Variants in FAM219A observed in about 807,000 individuals in gnomAD.
FAM219A encodes protein FAM219A.
In FAM219A, 7 loss-of-function variants were observed where a neutral mutation model predicts 23.4. The observed-to-expected ratio is 0.30, with a 90% CI of 0.17 to 0.56. The LOEUF (loss-of-function observed/expected upper bound fraction) is 0.56. Among genes scored for constraint, FAM219A ranks in the 20% least tolerant of loss-of-function variants. FAM219A has a pLI of 0.92. For missense variants in FAM219A, 166 were observed against 246.9 expected, an observed-to-expected ratio of 0.67 and a Z score of 2.20; for synonymous variants, 93 against 99.0, an observed-to-expected ratio of 0.94 and a Z score of 0.36.
At chr9:34,429,194 T>C (rs1462327164) in intron 1 of FAM219A, among the ~76,000 whole-genome samples, 1 of 152,222 alleles carries the variant, frequency 6.6e-6, no homozygotes, top group Non-Finnish European at 1.5e-5. Context: ...GGTTTCATTA[T>C]TTAGCATCAA....
At chr9:34,405,620 G>C (rs10972093) in intron 2 of FAM219A, among the ~76,000 whole-genome samples, 122,636 of 152,098 alleles carry the variant, frequency 0.81, 49,628 homozygotes, top group Non-Finnish European at 0.84. Context: ...CTGCAGCTAT[G>C]CCCCAGAATA....
chr9:34,407,487 C>A (rs1821680231), intron 1 of FAM219A, among the ~76,000 whole-genome samples: 1 of 152,128 alleles, frequency 6.6e-6, no homozygotes, highest in Non-Finnish European at 1.5e-5. Context: ...ATCACCCATT[C>A]TTTTTAAAAA....
At chr9:34,438,341 C>T (rs920251227) in intron 1 of FAM219A, among the ~76,000 whole-genome samples, 1 of 152,224 alleles carries the variant, frequency 6.6e-6, no homozygotes, top group African/African-American at 2.4e-5. Context: ...GCGCATGGCA[C>T]CGGGACTGGC....
At chr9:34,422,691 A>G (rs1428372886) in intron 1 of FAM219A, among the ~76,000 whole-genome samples, 1 of 152,208 alleles carries the variant, frequency 6.6e-6, no homozygotes, top group African/African-American at 2.4e-5. Context: ...GGAGAGAGAG[A>G]CTGGCAGGAA....
chr9:34,408,286 G>A (rs1390368428), intron 1 of FAM219A, among the ~76,000 whole-genome samples: 1 of 151,940 alleles, frequency 6.6e-6, no homozygotes, highest in African/African-American at 2.4e-5. Flanking sequence ...CCTTGGAAAA[G>A]CAAACCTCTA....
intron 1 of FAM219A, among the ~76,000 whole-genome samples, chr9:34,415,762 C>T (rs1040845102): frequency 2.6e-5 from 4 of 152,106 alleles, no homozygotes; most frequent in Admixed American, 2.6e-4. Context: ...CCCCCAGAAT[C>T]GGGAAGTGGG....
At chr9:34,414,872 C>T (rs887892698) in intron 1 of FAM219A, among the ~76,000 whole-genome samples, 3 of 152,256 alleles carry the variant, frequency 2.0e-5, no homozygotes, top group African/African-American at 7.2e-5. Context: ...CTCTCCAGCT[C>T]TGGACTATGA....
At chr9:34,401,844 A>C in intron 4 of FAM219A, 124 bp from the exon 5 acceptor site, 5 of 1,027,478 alleles carry the variant, frequency 4.9e-6, no homozygotes, top group Non-Finnish European at 7.3e-6. Flanking sequence ...CAAAATCTCA[A>C]TACGAACTGT....
At chr9:34,402,908 G>T in intron 2 of FAM219A, 101 bp from the exon 3 acceptor site, 1 of 990,488 alleles carries the variant, frequency 1.0e-6, no homozygotes, top group Non-Finnish European at 1.5e-6. Flanking sequence ...GAAACCACTT[G>T]CTCCTAGAAG....
At chr9:34,456,378 C>CAATA (rs1564021963) in intron 1 of FAM219A, among the ~76,000 whole-genome samples, 2 of 152,182 alleles carry the variant, frequency 1.3e-5, no homozygotes, top group African/African-American at 4.8e-5. Flanking sequence ...GAATTTCAGG[C>CAATA]AATAACAGAA....
At chr9:34,415,455 C>A (rs1367908249) in intron 1 of FAM219A, among the ~76,000 whole-genome samples, 1 of 152,220 alleles carries the variant, frequency 6.6e-6, no homozygotes, top group Non-Finnish European at 1.5e-5. Context: ...GGCCTAGTAA[C>A]AACTGTAGCT....
In FAM219A at chr9:34,399,893, G is replaced by A. The variant is rs1410019488; in HGVS notation, c.*1071C>T. Reference sequence around the variant, plus strand: ...ACCACACAGGCACTTCCCTACCAGGGACACCCACATCTATGACAGGAATAG... The same window carrying A: ...ACCACACAGGCACTTCCCTACCAGGAACACCCACATCTATGACAGGAATAG... On this transcript the variant is annotated 3_prime_UTR_variant, in exon 6 of 6. Coordinates refer to ENST00000651358, the MANE Select transcript of FAM219A (RefSeq NM_001184940.2). 2.0e-5 allele frequency: 3 copies of A among 152,396 alleles called. No individual in the cohort carries two copies. Among genetic ancestry groups the A allele is most frequent in the African/African-American group, 7.2e-5 (3 of 41,400 alleles). The allele number at this position is 152,396 out of a possible 1,614,324, so 9.4% of individuals were successfully genotyped here.
At chr9:34,450,300 C>A (rs1242339824) in intron 1 of FAM219A, among the ~76,000 whole-genome samples, 1 of 137,146 alleles carries the variant, frequency 7.3e-6, no homozygotes, top group African/African-American at 2.9e-5. Context: ...GTGACAGAGA[C>A]CCTGTCTCAA....
intron 1 of FAM219A, among the ~76,000 whole-genome samples, chr9:34,413,302 G>A (rs1821889823): frequency 6.6e-6 from 1 of 152,168 alleles, no homozygotes; most frequent in African/African-American, 2.4e-5. Context: ...ACACTAAGGG[G>A]TTGGGAAAAA....
chr9:34,440,257 T>C (rs1484489005), intron 1 of FAM219A, among the ~76,000 whole-genome samples: 1 of 152,124 alleles, frequency 6.6e-6, no homozygotes, highest in African/African-American at 2.4e-5. Context: ...TGGACATAAT[T>C]ATCTGGGGAC....
chr9:34,416,183 A>AAAGG (rs1821994004), intron 1 of FAM219A, among the ~76,000 whole-genome samples: 1 of 64,012 alleles, frequency 1.6e-5, no homozygotes, highest in Non-Finnish European at 2.7e-5. Context: ...GAAGAAAGAG[A>AAAGG]AAAGAAAGAA....
At chr9:34,408,683 C>T (rs947429176) in intron 1 of FAM219A, among the ~76,000 whole-genome samples, 4 of 152,216 alleles carry the variant, frequency 2.6e-5, no homozygotes, top group Non-Finnish European at 1.5e-5. Flanking sequence ...CCTCCTCTCT[C>T]TCCTTGGGGA....
At chr9:34,421,186 G>A (rs1029007909) in intron 1 of FAM219A, among the ~76,000 whole-genome samples, 1 of 151,992 alleles carries the variant, frequency 6.6e-6, no homozygotes, top group Non-Finnish European at 1.5e-5. Flanking sequence ...GGTCAAGCAG[G>A]TCAGAGAGGG....
chr9:34,420,141 G>A (rs1048095838), intron 1 of FAM219A, among the ~76,000 whole-genome samples: 5 of 152,124 alleles, frequency 3.3e-5, no homozygotes, highest in African/African-American at 1.2e-4. Context: ...ACCCCAACAA[G>A]GGGGAGGGCA....
Sources: allele counts gnomAD v4.1 joint callset (sites outside exome capture counted in the v4.1 genomes callset), GRCh38; gene constraint gnomAD v4.1.1; transcripts MANE v1.5; gene names NCBI Gene and HGNC (gene_info 2026-07-23, HGNC 2026-07-21).